Variants in FSTL4 observed in about 807,000 individuals in gnomAD.
FSTL4 encodes follistatin-related protein 4.
A neutral mutation model predicts 78.2 loss-of-function variants in FSTL4; 28 were observed. The ratio of observed to expected loss-of-function variants is 0.36; its 90% CI spans 0.27 to 0.49. FSTL4 has a LOEUF of 0.49. FSTL4 is among the 20% of genes least tolerant of loss of function. The pLI, the probability that FSTL4 is intolerant of heterozygous loss-of-function variation, is 0.98. For synonymous variants in FSTL4, 422 were observed against 440.5 expected (o/e 0.96, Z 0.53); for missense variants, 922 against 1,084.9 (o/e 0.85, Z 2.11).
intron 3 of FSTL4, among the ~76,000 whole-genome samples, chr5:133,504,411 C>T (rs1758569327): frequency 6.6e-6 from 1 of 152,178 alleles, no homozygotes; most frequent in Non-Finnish European, 1.5e-5. Context: ...CTATTCCAAA[C>T]CACAAGTGTT....
intron 3 of FSTL4, among the ~76,000 whole-genome samples, chr5:133,410,644 C>T (rs572533147): frequency 8.7e-4 from 133 of 152,300 alleles, no homozygotes; most frequent in African/African-American, 3.1e-3. Flanking sequence ...CGCCCCGGTC[C>T]GCACCTTGCC....
the FSTL4 span, among the ~76,000 whole-genome samples, chr5:133,764,951 T>C: frequency 1.2e-3 from 186 of 152,382 alleles, no homozygotes; most frequent in Non-Finnish European, 2.1e-3. Context: ...AAATTATCTT[T>C]TCCTCACATA....
the FSTL4 span, among the ~76,000 whole-genome samples, chr5:133,706,324 T>A: frequency 6.6e-6 from 1 of 152,350 alleles, no homozygotes; most frequent in African/African-American, 2.4e-5. Flanking sequence ...TACTTGTATA[T>A]CACCATTATG....
the FSTL4 span, among the ~76,000 whole-genome samples, chr5:133,713,592 C>G: frequency 6.6e-6 from 1 of 152,148 alleles, no homozygotes; most frequent in Non-Finnish European, 1.5e-5. Flanking sequence ...TACCAGACAG[C>G]TTTTGGAGGA....
At chr5:133,378,340 A>G (rs1755490547) in intron 4 of FSTL4, among the ~76,000 whole-genome samples, 1 of 152,240 alleles carries the variant, frequency 6.6e-6, no homozygotes, top group Non-Finnish European at 1.5e-5. Context: ...TAACATACAG[A>G]AATATAACAT....
At chr5:133,583,081 A>T (rs1738822496) in intron 2 of FSTL4, among the ~76,000 whole-genome samples, 1 of 152,202 alleles carries the variant, frequency 6.6e-6, no homozygotes, top group Non-Finnish European at 1.5e-5. Flanking sequence ...CTCCAGCAGA[A>T]GTACATGAGC....
intron 3 of FSTL4, among the ~76,000 whole-genome samples, chr5:133,501,527 T>C (rs10040489): frequency 0.19 from 28,816 of 152,084 alleles, 2,860 homozygotes; most frequent in African/African-American, 0.23. Context: ...CTGAGGTCAT[T>C]CAAGGAGGCA....
At chr5:133,369,618 C>T (rs531569814) in intron 4 of FSTL4, among the ~76,000 whole-genome samples, 1 of 152,362 alleles carries the variant, frequency 6.6e-6, no homozygotes, top group South Asian at 2.1e-4. Flanking sequence ...GCCCCTCCCA[C>T]TGCCCAGGCA....
the FSTL4 span, among the ~76,000 whole-genome samples, chr5:133,632,463 T>C: frequency 6.6e-6 from 1 of 152,212 alleles, no homozygotes; most frequent in African/African-American, 2.4e-5. Flanking sequence ...TTCTTTCTTT[T>C]TAGAAAACTT....
intron 3 of FSTL4, among the ~76,000 whole-genome samples, chr5:133,510,665 A>G (rs971556653): frequency 1.3e-5 from 2 of 152,128 alleles, no homozygotes; most frequent in Non-Finnish European, 2.9e-5. Context: ...AAAACAAAAC[A>G]TTTTAAAGGC....
the FSTL4 span, among the ~76,000 whole-genome samples, chr5:133,703,537 G>A: frequency 4.6e-5 from 7 of 152,188 alleles, no homozygotes; most frequent in South Asian, 4.1e-4. Context: ...AGACACTTCC[G>A]TAGAATGTCA....
intron 3 of FSTL4, among the ~76,000 whole-genome samples, chr5:133,477,799 T>C (rs1344311448): frequency 6.6e-6 from 1 of 152,238 alleles, no homozygotes; most frequent in Non-Finnish European, 1.5e-5. Flanking sequence ...TTTTTTTTCT[T>C]TTCCTGAGAA....
the FSTL4 span, among the ~76,000 whole-genome samples, chr5:133,740,263 G>C: frequency 6.6e-6 from 1 of 152,128 alleles, no homozygotes; most frequent in Non-Finnish European, 1.5e-5. Flanking sequence ...TTACACCTGG[G>C]ATTGACACAT....
chr5:133,781,365 TTGTGTGTGTG>T, the FSTL4 span, among the ~76,000 whole-genome samples: 45,546 of 143,060 alleles, frequency 0.32, 7,523 homozygotes, highest in Middle Eastern at 0.38. Flanking sequence ...TGTTAAGCGG[TTGTGTGTGTG>T]TGTGTGTGTG....
intron 4 of FSTL4, among the ~76,000 whole-genome samples, chr5:133,351,183 C>A (rs769077543): frequency 4.6e-5 from 7 of 152,148 alleles, no homozygotes; most frequent in African/African-American, 7.2e-5. Context: ...CCATTGTGTT[C>A]TGGCATCTGT....
chr5:133,203,725 A>G (rs1295678169), intron 14 of FSTL4, among the ~76,000 whole-genome samples: 1 of 152,222 alleles, frequency 6.6e-6, no homozygotes, highest in Non-Finnish European at 1.5e-5. Context: ...AAGCCATGCA[A>G]TCATTGCTTG....
chr5:133,431,464 A>T (rs2126996239), intron 3 of FSTL4, among the ~76,000 whole-genome samples: 1 of 152,306 alleles, frequency 6.6e-6, no homozygotes, highest in Middle Eastern at 3.4e-3. Context: ...AGGAGATCTG[A>T]CTACCCTGCA....
the FSTL4 span, among the ~76,000 whole-genome samples, chr5:133,673,371 C>A: frequency 2.6e-5 from 4 of 152,162 alleles, no homozygotes; most frequent in African/African-American, 4.8e-5. Context: ...CCTGGACCAC[C>A]CAAAGTCCCT....
the FSTL4 span, among the ~76,000 whole-genome samples, chr5:133,736,571 A>G: frequency 6.6e-6 from 1 of 152,128 alleles, no homozygotes; most frequent in Non-Finnish European, 1.5e-5. Flanking sequence ...TTTTGCCACC[A>G]ACCTGGATGC....
Sources: gnomAD v4.1 joint callset for allele counts (sites outside exome capture counted in the v4.1 genomes callset) on GRCh38, gnomAD v4.1.1 for gene constraint, MANE v1.5 for transcripts, NCBI Gene and HGNC (gene_info 2026-07-23, HGNC 2026-07-21) for gene names.